Variants in THRB observed in about 807,000 individuals in gnomAD.
THRB encodes thyroid hormone receptor beta.
Under a neutral mutation model 47.8 loss-of-function variants are expected in THRB, and 12 were observed. The observed-to-expected ratio is 0.25, with a 90% CI of 0.16 to 0.41. THRB has a LOEUF of 0.41. Ranked by LOEUF, THRB falls within the 10% of genes least tolerant of loss-of-function variation. THRB has a pLI of 1.00. For missense variants in THRB, 348 were observed against 589.2 expected (o/e 0.59, Z 4.24); for synonymous variants, 218 against 212.2 (o/e 1.03, Z -0.24).
At chr3:24,328,216 A>G (rs1038273418) in intron 2 of THRB, among the ~76,000 whole-genome samples, 1 of 152,316 alleles carries the variant, frequency 6.6e-6, no homozygotes, top group East Asian at 1.9e-4. Flanking sequence ...TAATTTTCCT[A>G]TATTTATCAA....
At chr3:24,415,826 A>C (rs2068688151) in intron 1 of THRB, among the ~76,000 whole-genome samples, 1 of 151,914 alleles carries the variant, frequency 6.6e-6, no homozygotes, top group Non-Finnish European at 1.5e-5. Context: ...TAGTATCCTA[A>C]CTTAGTGAAC....
intron 9 of THRB, among the ~76,000 whole-genome samples, chr3:24,133,034 G>A (rs1424521888): frequency 6.6e-6 from 1 of 152,214 alleles, no homozygotes; most frequent in Admixed American, 6.5e-5. Context: ...CATAGGTGCA[G>A]AATAAATGGA....
At chr3:24,213,077 G>T (rs1344068212) in intron 4 of THRB, among the ~76,000 whole-genome samples, 1 of 152,142 alleles carries the variant, frequency 6.6e-6, no homozygotes, top group African/African-American at 2.4e-5. Flanking sequence ...AACTGTAAGG[G>T]TGCCAAGTAG....
chr3:24,271,161 G>A (rs2053283387), intron 3 of THRB, among the ~76,000 whole-genome samples: 1 of 152,190 alleles, frequency 6.6e-6, no homozygotes, highest in African/African-American at 2.4e-5. Context: ...GATATTTAGT[G>A]CTGGAACCAA....
chr3:24,294,008 A>G (rs1007618940), intron 3 of THRB, among the ~76,000 whole-genome samples: 1 of 152,144 alleles, frequency 6.6e-6, no homozygotes, highest in Admixed American at 6.5e-5. Context: ...CATTCCTTTC[A>G]TCAAGAGAAG....
chr3:24,485,104 T>C (rs893843513), intron 1 of THRB, among the ~76,000 whole-genome samples: 5 of 152,148 alleles, frequency 3.3e-5, no homozygotes, highest in African/African-American at 1.2e-4. Flanking sequence ...AACACGACAA[T>C]GTCAATGCTA....
intron 2 of THRB, among the ~76,000 whole-genome samples, chr3:24,325,463 G>A (rs920919252): frequency 1.3e-5 from 2 of 152,210 alleles, no homozygotes; most frequent in African/African-American, 2.4e-5. Context: ...GAGGCGGATG[G>A]ATCACCTAAG....
intron 5 of THRB, among the ~76,000 whole-genome samples, chr3:24,187,235 T>G (rs1485350807): frequency 6.6e-6 from 1 of 152,174 alleles, no homozygotes; most frequent in Non-Finnish European, 1.5e-5. Flanking sequence ...TGGATGCCAG[T>G]GGCAATGTCA....
At chr3:24,168,518 G>T (rs971640429) in intron 5 of THRB, among the ~76,000 whole-genome samples, 1 of 124,800 alleles carries the variant, frequency 8.0e-6, no homozygotes, top group Non-Finnish European at 1.8e-5. Context: ...TATGCGCCTA[G>T]GTGTGACTTA....
intron 5 of THRB, among the ~76,000 whole-genome samples, chr3:24,158,841 CCTCTCTCTCTCTCT>C (rs10530553): frequency 3.4e-5 from 5 of 147,446 alleles, no homozygotes; most frequent in South Asian, 2.2e-4. Flanking sequence ...GACAGCTCTT[CCTCTCTCTCTCTCT>C]CTCTCTCTCT....
At chr3:24,153,229 T>C (rs1207043373) in intron 5 of THRB, among the ~76,000 whole-genome samples, 6 of 152,196 alleles carry the variant, frequency 3.9e-5, no homozygotes, top group Admixed American at 2.6e-4. Flanking sequence ...TCCCGGGAGA[T>C]GACGAAGTCC....
intron 1 of THRB, among the ~76,000 whole-genome samples, chr3:24,403,277 C>T (rs1401840093): frequency 6.6e-6 from 1 of 151,950 alleles, no homozygotes; most frequent in African/African-American, 2.4e-5. Context: ...AAAGAATACT[C>T]TTACTTCAAC....
rs1237291283 is a variant in THRB, at chr3:24,121,879, C to A, written c.*1005G>T. Reference sequence around the variant, plus strand: ...CAGAATGTAGCTGCACTAATCTCGCCTCAGCATTTCTCCAGAAGAAGACTG... The same window carrying A: ...CAGAATGTAGCTGCACTAATCTCGCATCAGCATTTCTCCAGAAGAAGACTG... On this transcript the variant is annotated 3_prime_UTR_variant, in exon 11 of 11. Transcript: ENST00000646209. 3 of 152,548 alleles carry A rather than the reference C, an allele frequency of 2.0e-5. No individual in the cohort carries two copies. The allele number at this position is 152,548 out of a possible 1,614,324, so 9.4% of individuals were successfully genotyped here.
chr3:24,387,772 T>C (rs1175953378), intron 1 of THRB, among the ~76,000 whole-genome samples: 4 of 151,936 alleles, frequency 2.6e-5, no homozygotes, highest in African/African-American at 7.2e-5. Flanking sequence ...AGCTCTGAGG[T>C]TGGGTCAAGG....
At chr3:24,208,112 T>G (rs1387079173) in intron 4 of THRB, among the ~76,000 whole-genome samples, 1 of 150,552 alleles carries the variant, frequency 6.6e-6, no homozygotes, top group Admixed American at 6.6e-5. Flanking sequence ...TCAATGAAAA[T>G]AAAATACCTA....
At position 24,127,553 on chromosome 3, in the gene THRB, T is replaced by C. The variant is rs1301770170; in HGVS notation, c.1090A>G (p.Asn364Asp). The change falls in exon 10 of 11, where the codon AAC (asparagine) becomes GAC (aspartate). Residue 364 changes from asparagine (N) to aspartate (D), a missense_variant. Transcript: ENST00000646209. ...AGGGCTACTTCAGTGTCATCCAGGT[T>C]GAAAGAAGACAGAGACATGCCCAGG... ...FDLGMSLSSF[N>D]LDDTEVALLQ... 1 of 1,614,046 alleles carries C rather than the reference T, an allele frequency of 6.2e-7. No individual in the cohort carries two copies. The highest frequency in any genetic ancestry group is 1.7e-5 in the Admixed American group (1 of 59,992).
intron 1 of THRB, among the ~76,000 whole-genome samples, chr3:24,411,120 T>C (rs145113808): frequency 1.3e-3 from 205 of 151,916 alleles, no homozygotes; most frequent in Non-Finnish European, 1.6e-3. Flanking sequence ...GTGAAGCTAA[T>C]TGAAACTGCA....
At chr3:24,357,967 G>T (rs1560012357) in intron 1 of THRB, among the ~76,000 whole-genome samples, 2 of 152,008 alleles carry the variant, frequency 1.3e-5, no homozygotes, top group South Asian at 4.1e-4. Flanking sequence ...AATAGTACTT[G>T]ATTGTTTATT....
intron 5 of THRB, among the ~76,000 whole-genome samples, chr3:24,161,709 A>G (rs1190255162): frequency 6.6e-6 from 1 of 151,584 alleles, no homozygotes; most frequent in East Asian, 1.9e-4. Context: ...CAGAAAGCAC[A>G]GTCCTGTGTG....
Sources: allele counts gnomAD v4.1 joint callset (sites outside exome capture counted in the v4.1 genomes callset), GRCh38; gene constraint gnomAD v4.1.1; transcripts MANE v1.5; gene names NCBI Gene and HGNC (gene_info 2026-07-23, HGNC 2026-07-21).